The following NBAS variants were observed in gnomAD, a reference collection of about 807,000 sequenced individuals.
NBAS encodes NAG/BC035112 fusion.
Under a neutral mutation model 302.5 loss-of-function variants are expected in NBAS, and 219 were observed. The observed-to-expected ratio is 0.72, with a 90% CI of 0.65 to 0.81. The LOEUF is 0.81. Ranked by LOEUF, NBAS falls within the 30% of genes least tolerant of loss-of-function variation. The probability of loss-of-function intolerance (pLI) is 0.00; values close to 1 mark genes in which losing one functional copy is unlikely to be tolerated. For missense variants in NBAS, 2,932 were observed against 2,841.6 expected (o/e 1.03, Z -0.72); for synonymous variants, 1,118 against 1,021.6 (o/e 1.09, Z -1.80).
chr2:14,887,939 C>T, the NBAS span, among the ~76,000 whole-genome samples: 2 of 152,122 alleles, frequency 1.3e-5, no homozygotes, highest in Non-Finnish European at 2.9e-5. Flanking sequence ...ACCTAGTTTT[C>T]TCTGGCAGAA....
chr2:15,036,121 A>C, the NBAS span, among the ~76,000 whole-genome samples: 1 of 152,212 alleles, frequency 6.6e-6, no homozygotes, highest in Non-Finnish European at 1.5e-5. Context: ...TATCCCTTCT[A>C]ATACTTGATA....
the NBAS span, among the ~76,000 whole-genome samples, chr2:14,806,012 C>T: frequency 6.6e-6 from 1 of 152,214 alleles, no homozygotes; most frequent in Admixed American, 6.5e-5. Flanking sequence ...ACACCCTCCA[C>T]TTCAATGAAC....
the NBAS span, among the ~76,000 whole-genome samples, chr2:15,013,925 A>G: frequency 1.9e-4 from 29 of 152,222 alleles, no homozygotes; most frequent in African/African-American, 6.0e-4. Flanking sequence ...TGATGTGTGA[A>G]CACACATCAA....
At chr2:15,135,200 G>A in the NBAS span, among the ~76,000 whole-genome samples, 8 of 152,286 alleles carry the variant, frequency 5.3e-5, no homozygotes, top group South Asian at 2.1e-4. Context: ...AGGAGGGGAC[G>A]GTGAGGTTTG....
chr2:15,550,346 C>A (rs1573003761), intron 6 of NBAS, among the ~76,000 whole-genome samples: 2 of 152,104 alleles, frequency 1.3e-5, no homozygotes, highest in Admixed American at 1.3e-4. Flanking sequence ...ATTTCCATTA[C>A]ACAAGAAAAT....
At chr2:15,256,068 T>C (rs561805097) in intron 44 of NBAS, among the ~76,000 whole-genome samples, 1 of 152,190 alleles carries the variant, frequency 6.6e-6, no homozygotes, top group South Asian at 2.1e-4. Context: ...AATTTTAGGA[T>C]TTTTTTTCTA....
the NBAS span, among the ~76,000 whole-genome samples, chr2:15,160,348 TGAGA>T: frequency 6.6e-6 from 1 of 151,816 alleles, no homozygotes; most frequent in Non-Finnish European, 1.5e-5. Context: ...TGGCAGGCGA[TGAGA>T]GAGAGAGGCT....
intron 22 of NBAS, among the ~76,000 whole-genome samples, chr2:15,427,500 A>ATT (rs559344021): frequency 2.0e-5 from 3 of 152,192 alleles, no homozygotes; most frequent in African/African-American, 7.2e-5. Flanking sequence ...AATAAGCACC[A>ATT]TTTTTTAACA....
chr2:15,056,026 C>G, the NBAS span, among the ~76,000 whole-genome samples: 1 of 151,182 alleles, frequency 6.6e-6, no homozygotes, highest in Non-Finnish European at 1.5e-5. Context: ...TTCAGTCCCT[C>G]TGAATATAAT....
chr2:15,072,436 T>G, the NBAS span, among the ~76,000 whole-genome samples: 1 of 152,210 alleles, frequency 6.6e-6, no homozygotes, highest in East Asian at 1.9e-4. Flanking sequence ...TATAAATATT[T>G]TCTAATTTCG....
chr2:15,126,321 G>A, the NBAS span, among the ~76,000 whole-genome samples: 3 of 152,136 alleles, frequency 2.0e-5, no homozygotes, highest in African/African-American at 7.2e-5. Context: ...GCAGAGCTGT[G>A]AGCCAATGAA....
chr2:15,244,215 GAT>G (rs1667987670), intron 44 of NBAS, among the ~76,000 whole-genome samples: 4 of 152,164 alleles, frequency 2.6e-5, no homozygotes, highest in Admixed American at 2.6e-4. Context: ...GAATTTCTGA[GAT>G]AGTGATGCTG....
At chr2:15,356,456 A>C in intron 32 of NBAS, 40 bp from the exon 33 acceptor site, 1 of 1,357,366 alleles carries the variant, frequency 7.4e-7, no homozygotes, top group South Asian at 1.2e-5. Context: ...TATGACAAGC[A>C]ACGTCAATTG....
intron 21 of NBAS, among the ~76,000 whole-genome samples, chr2:15,450,294 A>G (rs935658944): frequency 6.6e-6 from 1 of 152,204 alleles, no homozygotes; most frequent in African/African-American, 2.4e-5. Context: ...AAGCAATATG[A>G]TATACACAAA....
the NBAS span, among the ~76,000 whole-genome samples, chr2:15,038,836 G>A: frequency 2.0e-5 from 3 of 152,218 alleles, no homozygotes; most frequent in Admixed American, 2.0e-4. Flanking sequence ...AAGTGGGATG[G>A]GGAGGAAGTC....
At chr2:15,435,575 G>A (rs1677970284) in intron 21 of NBAS, among the ~76,000 whole-genome samples, 1 of 152,170 alleles carries the variant, frequency 6.6e-6, no homozygotes, top group Admixed American at 6.5e-5. Flanking sequence ...GGGTCAAATA[G>A]CTAAGTTGCA....
chr2:14,929,525 G>A, the NBAS span, among the ~76,000 whole-genome samples: 2 of 152,036 alleles, frequency 1.3e-5, no homozygotes, highest in Non-Finnish European at 2.9e-5. Context: ...CTACAGGCGT[G>A]CGCCACCACA....
the NBAS span, among the ~76,000 whole-genome samples, chr2:15,110,074 T>C: frequency 6.6e-6 from 1 of 152,118 alleles, no homozygotes; most frequent in African/African-American, 2.4e-5. Context: ...AAGCTGTCAA[T>C]GAAAATAATA....
the NBAS span, among the ~76,000 whole-genome samples, chr2:14,933,213 G>T: frequency 6.6e-6 from 1 of 152,188 alleles, no homozygotes. Flanking sequence ...CTGAGTCCCA[G>T]ACCAATGTTC....
Sources: allele counts gnomAD v4.1 joint callset (sites outside exome capture counted in the v4.1 genomes callset), GRCh38; gene constraint gnomAD v4.1.1; transcripts MANE v1.5; gene names NCBI Gene and HGNC (gene_info 2026-07-23, HGNC 2026-07-21).